The following RAVER2 variants were observed in gnomAD, a reference collection of about 807,000 sequenced individuals.
RAVER2 encodes the protein ribonucleoprotein, PTB binding 2.
A neutral mutation model predicts 78.1 loss-of-function variants in RAVER2; 46 were observed. The ratio of observed to expected loss-of-function variants is 0.59; its 90% confidence interval spans 0.46 to 0.75. The LOEUF (loss-of-function observed/expected upper bound fraction) is 0.75, where lower values mean the gene tolerates loss of function less well. Ranked by LOEUF, RAVER2 falls within the 30% of genes least tolerant of loss-of-function variation. The pLI is 0.00. For synonymous variants in RAVER2, 311 were observed against 313.3 expected, an observed-to-expected ratio of 0.99 and a Z score of 0.08; for missense variants, 793 against 837.5, an observed-to-expected ratio of 0.95 and a Z score of 0.66.
At chr1:64,748,409 C>T (rs1479132845) in intron 1 of RAVER2, among the ~76,000 whole-genome samples, 3 of 152,234 alleles carry the variant, frequency 2.0e-5, no homozygotes, top group African/African-American at 7.2e-5. Context: ...TTGAGGGATA[C>T]TCCTGAAGCA....
At chr1:64,802,558 T>C (rs1653298607) in intron 5 of RAVER2, among the ~76,000 whole-genome samples, 1 of 152,238 alleles carries the variant, frequency 6.6e-6, no homozygotes, top group African/African-American at 2.4e-5. Flanking sequence ...GTCTTCTCAA[T>C]TGGATTTTAT....
chr1:64,832,601 T>TTAA (rs1484257499), exon 12 of RAVER2: 2 of 152,194 alleles, frequency 1.3e-5, no homozygotes, highest in African/African-American at 4.8e-5. Context: ...ATATCCTGTT[T>TTAA]TAATTATGAA....
At chr1:64,749,291 A>T (rs1008394529) in intron 1 of RAVER2, among the ~76,000 whole-genome samples, 1 of 151,822 alleles carries the variant, frequency 6.6e-6, no homozygotes, top group Non-Finnish European at 1.5e-5. Flanking sequence ...GCTCACTGCA[A>T]CCTCCACCTC....
chr1:64,790,212 T>C (rs969608499), intron 5 of RAVER2, among the ~76,000 whole-genome samples: 2 of 152,122 alleles, frequency 1.3e-5, no homozygotes, highest in African/African-American at 4.8e-5. Context: ...TCTGAAAATA[T>C]TAAGTGGAAA....
intron 11 of RAVER2, among the ~76,000 whole-genome samples, chr1:64,826,551 A>G (rs1654007309): frequency 6.6e-6 from 1 of 152,126 alleles, no homozygotes; most frequent in African/African-American, 2.4e-5. Flanking sequence ...AGAATAGGAG[A>G]TGATGTCACA....
At chr1:64,802,469 A>T (rs1438757542) in intron 5 of RAVER2, among the ~76,000 whole-genome samples, 1 of 152,104 alleles carries the variant, frequency 6.6e-6, no homozygotes, top group Non-Finnish European at 1.5e-5. Flanking sequence ...TATTGTTACC[A>T]TTTATTCTTT....
intron 11 of RAVER2, among the ~76,000 whole-genome samples, chr1:64,821,868 T>C (rs1653897554): frequency 6.6e-6 from 1 of 152,194 alleles, no homozygotes; most frequent in Non-Finnish European, 1.5e-5. Flanking sequence ...ACAAAGATTT[T>C]ACGACAAAGT....
Position 64,820,176 on chromosome 1 carries a change from C to T in RAVER2, c.1929+5336C>T, listed in dbSNP as rs369683077. Among the ~76,000 whole-genome samples, 32 of 152,118 alleles carry T rather than the reference C, an allele frequency of 2.1e-4. 7 individuals carry two copies. The highest frequency in any genetic ancestry group is 3.9e-4 in the Admixed American group (6 of 15,274). The stretch of plus-strand genomic sequence containing the variant: ...TGTGGAACGCATATTGTAATCCATA[C>T]AGCAACCATTAAAAAATTATACAAA... On this transcript the variant is annotated intron_variant, in intron 11 of 11. Coordinates refer to ENST00000294428, the Ensembl canonical transcript of RAVER2.
chr1:64,759,642 G>A lies in RAVER2; in HGVS notation c.250-9014G>A, dbSNP rs552277969. Among the ~76,000 whole-genome samples the A allele has an allele frequency of 1.6e-3, 239 of 150,816 alleles. 1 individual carries two copies. The highest frequency in any genetic ancestry group is 3.1e-3 in the Admixed American group (47 of 15,128). ...CGCCATCTTCCTGCCTCAGCCTCCC[G>A]AGTAGCTGGGACTACAGGCGCCCGC... On this transcript the variant is annotated intron_variant, in intron 1 of 11. Coordinates refer to ENST00000294428, the Ensembl canonical transcript of RAVER2.
chr1:64,812,935 A>G, intron 10 of RAVER2, 86 bp downstream of exon 10: 1 of 933,074 alleles, frequency 1.1e-6, no homozygotes, highest in Non-Finnish European at 1.6e-6. Flanking sequence ...ACTTCATGGA[A>G]GCAAATAATA....
chr1:64,798,078 C>G (rs1653148658), intron 5 of RAVER2, among the ~76,000 whole-genome samples: 1 of 113,824 alleles, frequency 8.8e-6, no homozygotes, highest in African/African-American at 3.3e-5. Flanking sequence ...CCCCCCTCCC[C>G]CCACCCCACC....
intron 1 of RAVER2, among the ~76,000 whole-genome samples, chr1:64,747,476 C>T (rs1224157386): frequency 2.6e-5 from 4 of 151,522 alleles, no homozygotes; most frequent in Non-Finnish European, 2.9e-5. Context: ...TTGTTCTTTT[C>T]CAGAAGAGAC....
chr1:64,808,398 T>C (rs550984394), intron 9 of RAVER2, among the ~76,000 whole-genome samples: 18 of 151,248 alleles, frequency 1.2e-4, no homozygotes, highest in Middle Eastern at 3.4e-3. Context: ...TACCTAGCCA[T>C]AGCAAGAGGT....
intron 7 of RAVER2, 58 bp downstream of exon 7, chr1:64,804,896 C>T (rs1385520085): frequency 6.7e-7 from 1 of 1,502,826 alleles, no homozygotes; most frequent in Non-Finnish European, 9.2e-7. Flanking sequence ...TAGAATCAGG[C>T]TGTGGATCAG....
intron 1 of RAVER2, among the ~76,000 whole-genome samples, chr1:64,755,485 A>T (rs1000770645): frequency 6.6e-6 from 1 of 152,104 alleles, no homozygotes; most frequent in East Asian, 1.9e-4. Context: ...GTATTTGTAC[A>T]TGCTTTCATT....
chr1:64,810,621 A>G (rs1355195967), intron 9 of RAVER2, among the ~76,000 whole-genome samples: 2 of 152,172 alleles, frequency 1.3e-5, no homozygotes, highest in African/African-American at 2.4e-5. Flanking sequence ...AGCCATCCCA[A>G]TGGGTGTGAA....
intron 11 of RAVER2, among the ~76,000 whole-genome samples, chr1:64,825,812 A>G (rs1428961074): frequency 6.6e-6 from 1 of 152,280 alleles, no homozygotes; most frequent in Non-Finnish European, 1.5e-5. Context: ...CATGAAAATA[A>G]AAAGATTTGC....
At chr1:64,792,452 A>T (rs1652970028) in intron 5 of RAVER2, among the ~76,000 whole-genome samples, 1 of 152,228 alleles carries the variant, frequency 6.6e-6, no homozygotes, top group Non-Finnish European at 1.5e-5. Flanking sequence ...AGAAAGTATC[A>T]TCTGCCTCTT....
chr1:64,829,994 C>A (rs542232717), intron 11 of RAVER2, among the ~76,000 whole-genome samples: 1 of 151,988 alleles, frequency 6.6e-6, no homozygotes, highest in Non-Finnish European at 1.5e-5. Context: ...AAATTGTGAC[C>A]GTTGTTGGTT....
Sources: allele counts gnomAD v4.1 joint callset (sites outside exome capture counted in the v4.1 genomes callset), GRCh38; gene constraint gnomAD v4.1.1; transcripts MANE v1.5; gene names NCBI Gene and HGNC (gene_info 2026-07-23, HGNC 2026-07-21).